The following RAD51B variants were observed in gnomAD, a reference collection of about 807,000 sequenced individuals.
RAD51B encodes the protein RAD51 paralog B, also known as DNA repair protein RAD51 homolog 2.
A neutral mutation model predicts 42.2 loss-of-function variants in RAD51B; 38 were observed. The ratio of observed to expected loss-of-function variants is 0.90; its 90% CI spans 0.70 to 1.18. RAD51B has a LOEUF of 1.18. Ranked by LOEUF, RAD51B falls within the 50% of genes most tolerant of loss-of-function variation. The probability of loss-of-function intolerance (pLI) is 0.00; values close to 1 mark genes in which losing one functional copy is unlikely to be tolerated. For synonymous variants in RAD51B, 154 were observed against 145.2 expected (o/e 1.06, Z -0.43); for missense variants, 373 against 400.7 (o/e 0.93, Z 0.59).
chr14:68,138,905 T>G (rs1476094247), intron 7 of RAD51B, among the ~76,000 whole-genome samples: 1 of 152,178 alleles, frequency 6.6e-6, no homozygotes, highest in East Asian at 1.9e-4. Flanking sequence ...TTTAATTCCT[T>G]TTTGATGAAG....
chr14:68,068,263 T>C (rs1252192815), intron 7 of RAD51B, among the ~76,000 whole-genome samples: 1 of 151,838 alleles, frequency 6.6e-6, no homozygotes, highest in Non-Finnish European at 1.5e-5. Context: ...GTACCATTAA[T>C]AGTCACTCTG....
intron 11 of RAD51B, among the ~76,000 whole-genome samples, chr14:68,654,954 TC>T (rs1414735234): frequency 1.3e-5 from 2 of 152,074 alleles, no homozygotes; most frequent in Non-Finnish European, 2.9e-5. Context: ...CCCCCTGCCT[TC>T]CCAGGTAAGT....
intron 7 of RAD51B, among the ~76,000 whole-genome samples, chr14:68,162,536 A>G (rs1169168545): frequency 2.0e-5 from 3 of 152,246 alleles, no homozygotes; most frequent in African/African-American, 7.2e-5. Flanking sequence ...CAGTAATACT[A>G]GCACTTTGGG....
chr14:68,589,544 G>C (rs1272217680), intron 10 of RAD51B, among the ~76,000 whole-genome samples: 2 of 152,204 alleles, frequency 1.3e-5, no homozygotes, highest in Non-Finnish European at 2.9e-5. Context: ...TCTGCTGCTA[G>C]AGGCCAGGCC....
At chr14:67,919,887 G>A (rs2044267147) in intron 7 of RAD51B, among the ~76,000 whole-genome samples, 1 of 152,170 alleles carries the variant, frequency 6.6e-6, no homozygotes, top group Non-Finnish European at 1.5e-5. Context: ...AATTGAACTG[G>A]CAAAGCAAGA....
chr14:67,986,999 T>TG (rs1384747863), intron 7 of RAD51B, among the ~76,000 whole-genome samples: 1 of 152,254 alleles, frequency 6.6e-6, no homozygotes, highest in African/African-American at 2.4e-5. Context: ...CCCAGTGTGC[T>TG]GGGTTTACAG....
chr14:68,532,664 C>T (rs535168997), intron 10 of RAD51B, among the ~76,000 whole-genome samples: 2 of 152,252 alleles, frequency 1.3e-5, no homozygotes, highest in East Asian at 3.9e-4. Context: ...CTATCAAGAA[C>T]AGCTAACCCT....
chr14:68,604,968 A>G (rs1185086946), intron 10 of RAD51B, among the ~76,000 whole-genome samples: 1 of 152,114 alleles, frequency 6.6e-6, no homozygotes, highest in African/African-American at 2.4e-5. Flanking sequence ...TTTCCTTCAT[A>G]TAACTGCTGG....
chr14:68,362,756 A>G (rs192246480), intron 8 of RAD51B, among the ~76,000 whole-genome samples: 1,711 of 152,106 alleles, frequency 0.011, 34 homozygotes, highest in African/African-American at 0.038. Flanking sequence ...GGCTGAGGCA[A>G]GAGAATTGCT....
chr14:68,673,522 ACGCG>A (rs370628389), intron 11 of RAD51B, among the ~76,000 whole-genome samples: 1 of 151,786 alleles, frequency 6.6e-6, no homozygotes, highest in African/African-American at 2.4e-5. Flanking sequence ...ACACATATGT[ACGCG>A]CACACACATA....
chr14:68,551,815 G>C (rs1247277271), intron 10 of RAD51B, among the ~76,000 whole-genome samples: 2 of 152,220 alleles, frequency 1.3e-5, no homozygotes, highest in African/African-American at 2.4e-5. Context: ...ACAAACCAAA[G>C]AGTGTTACCA....
chr14:68,193,882 C>G (rs1041175299), intron 7 of RAD51B, among the ~76,000 whole-genome samples: 7 of 152,126 alleles, frequency 4.6e-5, no homozygotes, highest in Non-Finnish European at 1.0e-4. Flanking sequence ...GGCATGTTAT[C>G]TGTTAGAAAT....
At chr14:68,606,835 C>T (rs1317840496) in intron 10 of RAD51B, among the ~76,000 whole-genome samples, 2 of 152,188 alleles carry the variant, frequency 1.3e-5, no homozygotes, top group Non-Finnish European at 2.9e-5. Flanking sequence ...TGCTAATTTG[C>T]TGTGTGACCT....
chr14:68,092,814 C>G (rs1302100187), intron 7 of RAD51B, among the ~76,000 whole-genome samples: 1 of 152,060 alleles, frequency 6.6e-6, no homozygotes, highest in African/African-American at 2.4e-5. Flanking sequence ...TTTGTCCGTT[C>G]AGTATGATAT....
intron 7 of RAD51B, among the ~76,000 whole-genome samples, chr14:68,006,797 T>C (rs1271943188): frequency 3.9e-5 from 6 of 152,198 alleles, no homozygotes; most frequent in African/African-American, 1.4e-4. Flanking sequence ...TCTGGTCTTA[T>C]AAACTCCTGG....
At chr14:67,868,768 G>A (rs1285904359) in intron 5 of RAD51B, among the ~76,000 whole-genome samples, 4 of 152,304 alleles carry the variant, frequency 2.6e-5, no homozygotes, top group Non-Finnish European at 5.9e-5. Context: ...CCTCAAGTGG[G>A]TCCCTGACCC....
At chr14:68,246,132 G>A (rs1042914745) in intron 7 of RAD51B, among the ~76,000 whole-genome samples, 6 of 152,066 alleles carry the variant, frequency 3.9e-5, no homozygotes, top group African/African-American at 1.2e-4. Context: ...TAGCTCCCAG[G>A]AACACACAGT....
chr14:67,966,905 A>T (rs1595178771), intron 7 of RAD51B, among the ~76,000 whole-genome samples: 1 of 152,304 alleles, frequency 6.6e-6, no homozygotes, highest in East Asian at 1.9e-4. Context: ...TTCTCATAGC[A>T]ATCTGATATG....
At chr14:68,172,431 TAAG>T (rs1245858766) in intron 7 of RAD51B, among the ~76,000 whole-genome samples, 1 of 152,202 alleles carries the variant, frequency 6.6e-6, no homozygotes, top group East Asian at 1.9e-4. Context: ...ATTTGGAGAA[TAAG>T]AAGGTTAGCT....
Sources: gnomAD v4.1 joint callset for allele counts (sites outside exome capture counted in the v4.1 genomes callset) on GRCh38, gnomAD v4.1.1 for gene constraint, MANE v1.5 for transcripts, NCBI Gene and HGNC (gene_info 2026-07-23, HGNC 2026-07-21) for gene names.